Variants in SIL1 observed in about 807,000 individuals in gnomAD.
SIL1 encodes the protein SIL1 nucleotide exchange factor, also known as nucleotide exchange factor SIL1.
Under a neutral mutation model 49.1 loss-of-function variants are expected in SIL1, and 40 were observed. That is an observed-to-expected ratio of 0.81 (90% CI 0.63 to 1.06). The LOEUF (loss-of-function observed/expected upper bound fraction) is 1.06, where lower values mean the gene tolerates loss of function less well. SIL1 is among the 50% of genes least tolerant of loss of function. The pLI is 0.00. For synonymous variants in SIL1, 253 were observed against 250.8 expected, an observed-to-expected ratio of 1.01 and a Z score of -0.08; for missense variants, 500 against 572.6, an observed-to-expected ratio of 0.87 and a Z score of 1.29.
intron 7 of SIL1, among the ~76,000 whole-genome samples, chr5:138,989,330 C>T (rs1450914720): frequency 6.6e-6 from 1 of 152,188 alleles, no homozygotes; most frequent in African/African-American, 2.4e-5. Flanking sequence ...GGGCAGATCA[C>T]TTGAGGCCAG....
chr5:139,052,810 G>A (rs1769319756), intron 3 of SIL1, among the ~76,000 whole-genome samples: 1 of 152,138 alleles, frequency 6.6e-6, no homozygotes, highest in African/African-American at 2.4e-5. Context: ...GAGTAAGGAA[G>A]CCCCATGTGC....
At chr5:139,171,175 C>G (rs1444766854) in intron 1 of SIL1, among the ~76,000 whole-genome samples, 1 of 152,128 alleles carries the variant, frequency 6.6e-6, no homozygotes, top group African/African-American at 2.4e-5. Flanking sequence ...CCCCTCTGCC[C>G]GGCCACCACC....
At chr5:139,117,361 G>A (rs1236731743) in intron 3 of SIL1, among the ~76,000 whole-genome samples, 1 of 152,194 alleles carries the variant, frequency 6.6e-6, no homozygotes, top group Non-Finnish European at 1.5e-5. Context: ...AGTTGTATCT[G>A]TAAAAATGAG....
chr5:139,048,314 C>T (rs893836271), intron 4 of SIL1, among the ~76,000 whole-genome samples: 1 of 150,990 alleles, frequency 6.6e-6, no homozygotes, highest in Non-Finnish European at 1.5e-5. Flanking sequence ...ACACCACACA[C>T]CCAGCTAATT....
At chr5:139,120,310 G>C (rs1049832483) in intron 3 of SIL1, among the ~76,000 whole-genome samples, 1 of 152,170 alleles carries the variant, frequency 6.6e-6, no homozygotes, top group Non-Finnish European at 1.5e-5. Context: ...CCAGGCTCTG[G>C]GGTCAATGGC....
intron 5 of SIL1, among the ~76,000 whole-genome samples, chr5:139,037,362 T>C (rs1171977029): frequency 6.6e-6 from 1 of 152,234 alleles, no homozygotes; most frequent in African/African-American, 2.4e-5. Flanking sequence ...ATTCACTTTA[T>C]GAATCTGTGA....
At chr5:139,134,509 A>G (rs776616558) in intron 1 of SIL1, among the ~76,000 whole-genome samples, 1 of 151,592 alleles carries the variant, frequency 6.6e-6, no homozygotes, top group Non-Finnish European at 1.5e-5. Flanking sequence ...CCAGGCAACT[A>G]CTCTCCAAAG....
intron 1 of SIL1, among the ~76,000 whole-genome samples, chr5:139,182,410 G>A (rs1449897502): frequency 6.6e-6 from 1 of 152,226 alleles, no homozygotes; most frequent in African/African-American, 2.4e-5. Flanking sequence ...GGGCTAAGCA[G>A]GTCCTGGCAC....
Position 139,110,086 on chromosome 5 carries a change from T to G in SIL1, c.244+10949A>C, listed in dbSNP as rs180704591. Reference sequence around the variant, plus strand: ...CAGGAGGCTGAGGCAGGAGAATTGCTTGAACCCGGCAGATGGAGGTTGCAG... The same window carrying G: ...CAGGAGGCTGAGGCAGGAGAATTGCGTGAACCCGGCAGATGGAGGTTGCAG... On this transcript the variant is annotated intron_variant, in intron 3 of 9. Coordinates refer to ENST00000394817, the MANE Select transcript of SIL1 (RefSeq NM_022464.5). Among the ~76,000 whole-genome samples, 5 of 151,896 alleles carry G rather than the reference T, an allele frequency of 3.3e-5. No homozygotes were observed. In the East Asian group the frequency reaches 7.8e-4, roughly 24 times the overall value.
Position 139,050,921 on chromosome 5 carries a change from T to C in SIL1, c.353+17A>G. 1 of 1,603,388 alleles carries C rather than the reference T, an allele frequency of 6.2e-7. No individual in the cohort carries two copies. The highest frequency in any genetic ancestry group is 8.5e-7 in the Non-Finnish European group (1 of 1,170,174). On this transcript the variant is annotated intron_variant, in intron 4 of 9. Transcript: ENST00000394817. ...CGTTATCACTTAGCCTCCCAGTCCC[T>C]AGGGTTGACACTGTACCTTTTGCCT...
intron 3 of SIL1, among the ~76,000 whole-genome samples, chr5:139,102,087 T>A (rs1770600982): frequency 6.6e-6 from 1 of 152,226 alleles, no homozygotes; most frequent in Admixed American, 6.5e-5. Flanking sequence ...ACAAGTATAT[T>A]CACTAATGAA....
intron 3 of SIL1, among the ~76,000 whole-genome samples, chr5:139,077,497 G>A (rs1052209915): frequency 4.6e-5 from 7 of 152,036 alleles, no homozygotes; most frequent in Admixed American, 1.3e-4. Flanking sequence ...GTTGTTTTAC[G>A]GACTGTGATT....
At chr5:139,161,033 C>T (rs1360153333) in intron 1 of SIL1, among the ~76,000 whole-genome samples, 1 of 152,034 alleles carries the variant, frequency 6.6e-6, no homozygotes, top group Non-Finnish European at 1.5e-5. Flanking sequence ...CACCTGAGGT[C>T]AGGAGTTTGA....
chr5:139,121,736 A>T (rs1750644918), intron 2 of SIL1, among the ~76,000 whole-genome samples: 1 of 152,126 alleles, frequency 6.6e-6, no homozygotes, highest in African/African-American at 2.4e-5. Flanking sequence ...CAAACCATGG[A>T]GGAAGCGTGC....
intron 6 of SIL1, among the ~76,000 whole-genome samples, chr5:139,025,716 A>G (rs1768631433): frequency 6.6e-6 from 1 of 151,958 alleles, no homozygotes; most frequent in Non-Finnish European, 1.5e-5. Flanking sequence ...AATCTCCCCA[A>G]GCTTGTCCCT....
At chr5:139,111,891 C>T (rs1007985799) in intron 3 of SIL1, among the ~76,000 whole-genome samples, 5 of 152,216 alleles carry the variant, frequency 3.3e-5, no homozygotes, top group African/African-American at 9.6e-5. Flanking sequence ...CCCTCTGATG[C>T]CGAGCCAAAG....
At chr5:138,970,302 G>A (rs928316312) in intron 7 of SIL1, among the ~76,000 whole-genome samples, 9 of 152,170 alleles carry the variant, frequency 5.9e-5, no homozygotes, top group Non-Finnish European at 1.5e-5. Flanking sequence ...AGAAACACAA[G>A]GCAAGCACCC....
chr5:139,151,890 A>C (rs1751307181), intron 1 of SIL1, among the ~76,000 whole-genome samples: 1 of 152,248 alleles, frequency 6.6e-6, no homozygotes. Flanking sequence ...TATTTTTCAA[A>C]TTCCCTTGCA....
intron 3 of SIL1, among the ~76,000 whole-genome samples, chr5:139,106,279 TCTC>T (rs1439958926): frequency 1.3e-5 from 2 of 152,234 alleles, no homozygotes; most frequent in Admixed American, 6.5e-5. Flanking sequence ...GCCAGCCACT[TCTC>T]CTTCCCACTG....
Sources: gnomAD v4.1 joint callset for allele counts (sites outside exome capture counted in the v4.1 genomes callset) on GRCh38, gnomAD v4.1.1 for gene constraint, MANE v1.5 for transcripts, NCBI Gene and HGNC (gene_info 2026-07-23, HGNC 2026-07-21) for gene names.